Variants in ABCB11 observed in about 807,000 individuals in gnomAD.
The protein encoded by ABCB11 is bile salt export pump.
ABCB11 carries 95 observed loss-of-function variants against 148.0 expected under a neutral mutation model. The ratio of observed to expected loss-of-function variants is 0.64; its 90% CI spans 0.54 to 0.76. The LOEUF (loss-of-function observed/expected upper bound fraction) is 0.76, where lower values mean the gene tolerates loss of function less well. ABCB11 is among the 30% of genes least tolerant of loss of function. The pLI, the probability that ABCB11 is intolerant of heterozygous loss-of-function variation, is 0.00. For synonymous variants in ABCB11, 591 were observed against 555.4 expected, an observed-to-expected ratio of 1.06 and a Z score of -0.90; for missense variants, 1,523 against 1,617.8, an observed-to-expected ratio of 0.94 and a Z score of 1.01.
Position 168,968,484 on chromosome 2 carries a change from G to A in ABCB11, c.2018C>T (p.Thr673Ile). 6.2e-7 allele frequency: 1 copy of A among 1,610,788 alleles called. No homozygotes were observed. Among genetic ancestry groups the A allele is most frequent in the Non-Finnish European group, 8.5e-7 (1 of 1,178,236 alleles). Residue 673 changes from threonine to isoleucine, a missense_variant, in exon 17 of 28, where the codon ACT becomes ATT. By Grantham distance (89) the Thr-to-Ile change is moderately conservative. Transcript: ENST00000650372. ...ALNEEDIKDA[T>I]EDDMLARTFS... ...GGTCCTCGCAAGCATGTCATCTTCA[G>A]TTGCATCTACTCAACACAGCATGAG...
At chr2:168,928,616 T>C (rs1691425242) in intron 25 of ABCB11, among the ~76,000 whole-genome samples, 1 of 152,172 alleles carries the variant, frequency 6.6e-6, no homozygotes, top group African/African-American at 2.4e-5. Context: ...GACCAGAACA[T>C]TCACTGGGCA....
intron 15 of ABCB11, 76 bp from the exon 16 acceptor site, chr2:168,969,627 TCC>T: frequency 7.6e-7 from 1 of 1,322,768 alleles, no homozygotes; most frequent in Non-Finnish European, 1.1e-6. Context: ...CATTTCAGAA[TCC>T]ATAGGAAAGT....
chr2:168,973,756 G>T lies in ABCB11; in HGVS notation c.1393C>A (p.Leu465Met). 6.2e-7 allele frequency: 1 copy of T among 1,612,266 alleles called. No homozygotes were observed. The highest frequency in any genetic ancestry group is 8.5e-7 in the Non-Finnish European group (1 of 1,178,698). ...GPSGAGKSTA[L>M]QLIQRFYDPC... ...TCATAGAATCGCTGAATGAGTTGCAGTGCTGTACTTTTTCCAGCTCCACTG... is the reference window on the plus strand; with the variant it reads ...TCATAGAATCGCTGAATGAGTTGCATTGCTGTACTTTTTCCAGCTCCACTG... Residue 465 changes from leucine to methionine, a missense_variant, in exon 13 of 28, where the codon CTG (leucine) becomes ATG (methionine). Physicochemically the swap from Leu to Met is conservative, Grantham distance 15. Transcript: ENST00000650372.
Position 168,986,257 on chromosome 2 carries a change from C to A in ABCB11, c.936G>T (p.Gln312His), listed in dbSNP as rs770497192. 9.9e-6 allele frequency: 16 copies of A among 1,612,954 alleles called. No individual in the cohort carries two copies. The Middle Eastern group carries it at 1.9e-3, about 194-fold the overall frequency. Residue 312 changes from glutamine to histidine, a missense_variant, in exon 10 of 28, where the codon CAG (glutamine) becomes CAT (histidine). Gln to His is a conservative substitution (Grantham distance 24). Transcript: ENST00000650372. ...ERYEKNLVFA[Q>H]RWGIRKGIVM... ...CTATTCCTTTTCTAATTCCCCAACG[C>A]TGGGCGAACACAAGATTTTTCTCAT...
In ABCB11 at chr2:168,968,479, C is replaced by G; in HGVS notation, c.2023G>C (p.Asp675His). The change falls in exon 17 of 28, where the codon GAT becomes CAT. Residue 675 changes from aspartate (D) to histidine (H), a missense_variant. Coordinates refer to ENST00000650372, the MANE Select transcript of ABCB11 (RefSeq NM_003742.4). ...NEEDIKDATE[D>H]DMLARTFSRG... Reference sequence around the variant, plus strand: ...CTAAAGGTCCTCGCAAGCATGTCATCTTCAGTTGCATCTACTCAACACAGC... The same window carrying G: ...CTAAAGGTCCTCGCAAGCATGTCATGTTCAGTTGCATCTACTCAACACAGC... The G allele has an allele frequency of 6.2e-7, 1 of 1,611,024 alleles. No homozygotes were observed. The highest frequency in any genetic ancestry group is 8.5e-7 in the Non-Finnish European group (1 of 1,178,308).
chr2:168,944,143 T>C (rs1057474961), intron 21 of ABCB11, among the ~76,000 whole-genome samples: 3 of 151,936 alleles, frequency 2.0e-5, no homozygotes, highest in Non-Finnish European at 4.4e-5. Flanking sequence ...TAGATAAAAA[T>C]CGTTTATTTC....
At chr2:168,949,005 G>A (rs1017487777) in intron 19 of ABCB11, among the ~76,000 whole-genome samples, 1 of 151,564 alleles carries the variant, frequency 6.6e-6, no homozygotes. Context: ...CATTTAATAA[G>A]CTCTGACAAT....
chr2:168,936,235 C>T lies in ABCB11; in HGVS notation c.2809G>A (p.Gly937Arg). Residue 937 changes from glycine (G) to arginine (R), a missense_variant, in exon 22 of 28, where the codon GGA becomes AGA. By Grantham distance (125) the Gly-to-Arg change is moderately radical (BLOSUM62 -2). Coordinates refer to ENST00000650372, the MANE Select transcript of ABCB11 (RefSeq NM_003742.4). ...SRDKQALEMV[G>R]QITNEALSNI... ...AATTAGATCTGCAAGATTACCTGTC[C>T]CACCATCTCCAGGGCCTGCTTATCT... 6 of 1,613,062 alleles carry T rather than the reference C, an allele frequency of 3.7e-6. No individual in the cohort carries two copies. The highest frequency in any genetic ancestry group is 5.1e-6 in the Non-Finnish European group (6 of 1,179,240).
In ABCB11 at chr2:168,920,983, G is replaced by A. The variant is rs756037618; in HGVS notation, c.*2639C>T. On this transcript the variant is annotated 3_prime_UTR_variant, in exon 28 of 28. Coordinates refer to ENST00000650372, the MANE Select transcript of ABCB11 (RefSeq NM_003742.4). The stretch of plus-strand genomic sequence containing the variant: ...TCAGACTCCATAAATTCCTTTCCAG[G>A]AAACTGGCCACCTCCCAGCACAAGA... 3.9e-5 allele frequency among the ~76,000 whole-genome samples: 6 copies of A among 152,044 alleles called. No individual in the cohort carries two copies. The highest frequency in any genetic ancestry group is 5.9e-5 in the Non-Finnish European group (4 of 68,014).
intron 19 of ABCB11, among the ~76,000 whole-genome samples, chr2:168,946,878 T>TA (rs908485504): frequency 1.3e-5 from 2 of 151,732 alleles, no homozygotes; most frequent in South Asian, 2.1e-4. Flanking sequence ...TTCTCAGTGT[T>TA]AAAAAAAGAA....
Position 168,993,839 on chromosome 2 carries a change from G to T in ABCB11, c.655C>A (p.Leu219Ile). 1 of 1,611,344 alleles carries T rather than the reference G, an allele frequency of 6.2e-7. No homozygotes were observed. The highest frequency in any genetic ancestry group is 1.1e-5 in the South Asian group (1 of 90,764). Residue 219 changes from leucine to isoleucine, a missense_variant, in exon 8 of 28, where the codon CTT (leucine) becomes ATT (isoleucine). Leu to Ile is a conservative substitution (Grantham distance 5). Coordinates refer to ENST00000650372, the MANE Select transcript of ABCB11 (RefSeq NM_003742.4). The part of the protein sequence containing the change: ...INDAIADQMA[L>I]FIQRMTSTIC... Reference sequence around the variant, plus strand: ...GTCGAGGTCATGCGCTGAATGAAAAGGGCCATTTGGTCAGCTATGGCATCA... The same window carrying T: ...GTCGAGGTCATGCGCTGAATGAAAATGGCCATTTGGTCAGCTATGGCATCA...
intron 25 of ABCB11, among the ~76,000 whole-genome samples, chr2:168,929,992 T>C (rs182212845): frequency 1.5e-3 from 235 of 152,158 alleles, no homozygotes; most frequent in Admixed American, 2.6e-3. Flanking sequence ...AGCAGAGAAA[T>C]GTGGAGTGGG....
At chr2:168,965,199 T>C (rs1693246175) in intron 17 of ABCB11, among the ~76,000 whole-genome samples, 1 of 151,828 alleles carries the variant, frequency 6.6e-6, no homozygotes. Flanking sequence ...TGAGAGAATG[T>C]ATAAACATAA....
chr2:168,957,915 T>A (rs1692867210), intron 19 of ABCB11, 49 bp downstream of exon 19: 1 of 1,400,988 alleles, frequency 7.1e-7, no homozygotes, highest in Non-Finnish European at 9.5e-7. Flanking sequence ...ATCAAAATAA[T>A]AAAATAAAAG....
chr2:168,992,110 AAGTTGCTTGTATAGTTTGTTGTAT>A (rs1694547507), intron 8 of ABCB11, among the ~76,000 whole-genome samples: 1 of 151,622 alleles, frequency 6.6e-6, no homozygotes, highest in Admixed American at 6.6e-5. Context: ...GAGCCTAGTG[AAGTTGCTTGTATAGTTTGTTGTAT>A]AGTTGCTTGT....
At chr2:168,939,301 T>C (rs944913277) in intron 21 of ABCB11, among the ~76,000 whole-genome samples, 2 of 152,054 alleles carry the variant, frequency 1.3e-5, no homozygotes, top group Non-Finnish European at 1.5e-5. Flanking sequence ...AACTCTAAAG[T>C]TTTTGGGGGG....
chr2:168,989,009 T>C (rs1483060681), intron 9 of ABCB11, among the ~76,000 whole-genome samples: 2 of 152,150 alleles, frequency 1.3e-5, no homozygotes, highest in Non-Finnish European at 2.9e-5. Context: ...TGTTTGTGTT[T>C]CTTATATGTA....
At chr2:168,960,428 T>C (rs952564663) in intron 18 of ABCB11, among the ~76,000 whole-genome samples, 2 of 151,664 alleles carry the variant, frequency 1.3e-5, no homozygotes, top group African/African-American at 4.8e-5. Context: ...TCTGGAACGA[T>C]TGCCCCACAG....
intron 5 of ABCB11, among the ~76,000 whole-genome samples, chr2:169,002,768 A>G (rs1223523786): frequency 2.6e-5 from 4 of 152,142 alleles, no homozygotes; most frequent in African/African-American, 9.7e-5. Context: ...GGTAGTTACT[A>G]AGGGCTAGAG....
Sources: gnomAD v4.1 joint callset for allele counts (sites outside exome capture counted in the v4.1 genomes callset) on GRCh38, gnomAD v4.1.1 for gene constraint, MANE v1.5 for transcripts, NCBI Gene and HGNC (gene_info 2026-07-23, HGNC 2026-07-21) for gene names.